The following NAV2 variants were observed in gnomAD, a reference collection of about 807,000 sequenced individuals.
NAV2 encodes neuron navigator 2, also known as helicase, APC down-regulated 1.
Under a neutral mutation model 223.2 loss-of-function variants are expected in NAV2, and 54 were observed. The ratio of observed to expected loss-of-function variants is 0.24; its 90% CI spans 0.19 to 0.30. The LOEUF (loss-of-function observed/expected upper bound fraction) is 0.30. Ranked by LOEUF, NAV2 falls within the 10% of genes least tolerant of loss-of-function variation. The pLI is 1.00. For synonymous variants in NAV2, 1,279 were observed against 1,239.3 expected, an observed-to-expected ratio of 1.03 and a Z score of -0.67; for missense variants, 2,806 against 3,147.5, an observed-to-expected ratio of 0.89 and a Z score of 2.60.
intron 11 of NAV2, among the ~76,000 whole-genome samples, chr11:20,025,303 A>G (rs1338794613): frequency 2.0e-5 from 3 of 152,110 alleles, no homozygotes; most frequent in East Asian, 3.8e-4. Flanking sequence ...GTTTACTGTT[A>G]TTTTCATTTG....
chr11:19,784,173 G>T (rs112733811), intron 1 of NAV2, among the ~76,000 whole-genome samples: 4,399 of 152,012 alleles, frequency 0.029, 170 homozygotes, highest in African/African-American at 0.095. Context: ...CAGATCACCT[G>T]AGGTTGAGAG....
chr11:19,774,730 GA>G (rs1276024495), intron 1 of NAV2, among the ~76,000 whole-genome samples: 1 of 152,138 alleles, frequency 6.6e-6, no homozygotes, highest in African/African-American at 2.4e-5. Context: ...AAATGAGCTA[GA>G]ATACCTATGA....
chr11:20,006,504 G>A (rs751504586), intron 11 of NAV2, among the ~76,000 whole-genome samples: 4 of 151,964 alleles, frequency 2.6e-5, no homozygotes, highest in Admixed American at 6.6e-5. Context: ...GTGAAACCCC[G>A]TCTCTACAAA....
rs146284340 is a variant in NAV2, at chr11:19,813,384, C to T, written c.268-19100C>T. Among the ~76,000 whole-genome samples the T allele has an allele frequency of 2.7e-3, 409 of 152,284 alleles. 1 individual carries two copies. Among genetic ancestry groups the T allele is most frequent in the African/African-American group, 9.1e-3 (380 of 41,544 alleles). On this transcript the variant is annotated intron_variant, in intron 1 of 37. Transcript: ENST00000349880. Reference sequence around the variant, plus strand: ...AGCTTCATGCCCAGCTTTTGCCAAGCGTGGGCCAAGTGGGGGAATGATTCC... The same window carrying T: ...AGCTTCATGCCCAGCTTTTGCCAAGTGTGGGCCAAGTGGGGGAATGATTCC...
intron 1 of NAV2, among the ~76,000 whole-genome samples, chr11:19,382,717 A>G (rs1441573037): frequency 6.6e-6 from 1 of 152,204 alleles, no homozygotes; most frequent in African/African-American, 2.4e-5. Flanking sequence ...CTATAGGTAG[A>G]ACCCATTTCA....
At chr11:20,033,813 T>C (rs1315029489) in intron 11 of NAV2, among the ~76,000 whole-genome samples, 1 of 146,328 alleles carries the variant, frequency 6.8e-6, no homozygotes, top group Non-Finnish European at 1.5e-5. Flanking sequence ...ACTAGAACTT[T>C]GGGGTTATGT....
intron 1 of NAV2, among the ~76,000 whole-genome samples, chr11:19,544,555 CAT>C (rs1389096747): frequency 2.0e-5 from 3 of 152,202 alleles, no homozygotes; most frequent in African/African-American, 7.2e-5. Context: ...AGCTGGGCCA[CAT>C]TCCACCCTTG....
At chr11:19,937,998 C>T (rs1189039663) in intron 7 of NAV2, among the ~76,000 whole-genome samples, 6 of 152,054 alleles carry the variant, frequency 3.9e-5, no homozygotes, top group African/African-American at 1.4e-4. Flanking sequence ...AGATTAGCAG[C>T]GAACTAAGGA....
In NAV2 at chr11:19,400,182, C is replaced by A. The variant is rs567424390; in HGVS notation, c.75+49155C>A. Among the ~76,000 whole-genome samples the A allele has an allele frequency of 2.6e-5, 4 of 152,246 alleles. No homozygotes were observed. The South Asian group carries it at 6.2e-4, about 24-fold the overall frequency. On this transcript the variant is annotated intron_variant, in intron 1 of 37. Coordinates refer to the NAV2 transcript ENST00000360655. ...AATGCTTCCTTACAGCAGAGACAAA[C>A]CTTATAAGCTAGGGATCAATTCAGT...
intron 1 of NAV2, among the ~76,000 whole-genome samples, chr11:19,571,462 C>A (rs917006788): frequency 5.3e-5 from 8 of 152,234 alleles, no homozygotes; most frequent in African/African-American, 1.9e-4. Flanking sequence ...AATCCCAGCA[C>A]TTTGGAGGCC....
At chr11:19,772,052 G>T (rs1198482928) in intron 1 of NAV2, among the ~76,000 whole-genome samples, 2 of 152,174 alleles carry the variant, frequency 1.3e-5, no homozygotes, top group Non-Finnish European at 2.9e-5. Context: ...CTCTAGGAAG[G>T]ATTAGTGCTT....
chr11:20,093,731 C>T (rs2255674), intron 29 of NAV2, among the ~76,000 whole-genome samples: 89,442 of 151,888 alleles, frequency 0.59, 26,689 homozygotes, highest in South Asian at 0.74. Flanking sequence ...CTGGGGAATC[C>T]GAGTTTTCCT....
intron 11 of NAV2, chr11:20,027,308 G>A (rs1053756733): frequency 1.3e-5 from 13 of 985,276 alleles, no homozygotes; most frequent in East Asian, 1.1e-4. Context: ...CTCGGGCCCC[G>A]GGGTTTCACG....
In NAV2 at chr11:19,397,183, C is replaced by G. The variant is rs557541741; in HGVS notation, c.75+46156C>G. 2.6e-5 allele frequency among the ~76,000 whole-genome samples: 4 copies of G among 152,284 alleles called. No homozygotes were observed. In the South Asian group the frequency reaches 8.3e-4, roughly 32 times the overall value. ...TAGAGGTCCCCATAAAAAGAGGGAA[C>G]TGATGTGTTTAGGGCTGTCAAAAGG... is the stretch of plus-strand genomic sequence containing the variant. On this transcript the variant is annotated intron_variant, in intron 1 of 37. Transcript: ENST00000360655.
chr11:19,439,571 G>A lies in NAV2; in HGVS notation c.75+88544G>A, dbSNP rs561858325. Among the ~76,000 whole-genome samples the A allele has an allele frequency of 2.6e-5, 4 of 152,328 alleles. No homozygotes were observed. In the South Asian group the frequency reaches 8.3e-4, roughly 32 times the overall value. On this transcript the variant is annotated intron_variant, in intron 1 of 37. Coordinates refer to the NAV2 transcript ENST00000360655. The stretch of plus-strand genomic sequence containing the variant: ...AGTGATAATATTGACCTCACAGAGA[G>A]GTTGCGAGCTGTGGATGGGATAACC...
At chr11:19,375,014 A>C (rs1848595319) in intron 1 of NAV2, among the ~76,000 whole-genome samples, 1 of 152,320 alleles carries the variant, frequency 6.6e-6, no homozygotes, top group East Asian at 1.9e-4. Flanking sequence ...TGGCTCACCC[A>C]GCTTCCCAGT....
At chr11:19,913,210 A>C (rs999295486) in intron 6 of NAV2, among the ~76,000 whole-genome samples, 3 of 152,218 alleles carry the variant, frequency 2.0e-5, no homozygotes, top group African/African-American at 7.2e-5. Flanking sequence ...CATTTTCAGC[A>C]AAAGAGATGC....
intron 1 of NAV2, among the ~76,000 whole-genome samples, chr11:19,812,203 T>G (rs563322517): frequency 8.5e-5 from 13 of 152,116 alleles, no homozygotes; most frequent in African/African-American, 3.1e-4. Flanking sequence ...TAATCTGCAT[T>G]TATGATGAGT....
intron 1 of NAV2, among the ~76,000 whole-genome samples, chr11:19,406,471 C>G (rs1849901994): frequency 6.6e-6 from 1 of 152,110 alleles, no homozygotes; most frequent in Admixed American, 6.5e-5. Flanking sequence ...GTGACTTGGC[C>G]TAAAGTCATG....
Sources: allele counts gnomAD v4.1 joint callset (sites outside exome capture counted in the v4.1 genomes callset), GRCh38; gene constraint gnomAD v4.1.1; transcripts MANE v1.5; gene names NCBI Gene and HGNC (gene_info 2026-07-23, HGNC 2026-07-21).